Variants in TMPO observed in about 807,000 individuals in gnomAD.
TMPO encodes LEM domain containing 4.
In TMPO, 22 loss-of-function variants were observed where a neutral mutation model predicts 45.4. The observed-to-expected ratio is 0.48, with a 90% CI of 0.35 to 0.69. The LOEUF (loss-of-function observed/expected upper bound fraction) is 0.69, where lower values mean the gene tolerates loss of function less well. TMPO is among the 30% of genes least tolerant of loss of function. TMPO has a pLI of 0.01. For missense variants in TMPO, 512 were observed against 548.8 expected (o/e 0.93, Z 0.67); for synonymous variants, 241 against 204.1 (o/e 1.18, Z -1.54).
At chr12:98,530,190 T>C (rs76621681) in intron 2 of TMPO, among the ~76,000 whole-genome samples, 1 of 151,094 alleles carries the variant, frequency 6.6e-6, no homozygotes, top group East Asian at 1.9e-4. Context: ...AAAAAAAAAG[T>C]AGCCAGGCAT....
At chr12:98,539,044 T>A (rs1019016458) in intron 4 of TMPO, among the ~76,000 whole-genome samples, 1 of 151,724 alleles carries the variant, frequency 6.6e-6, no homozygotes, top group African/African-American at 2.4e-5. Context: ...CTACTAAAAA[T>A]ACAAAATTAG....
In TMPO at chr12:98,516,415, C is replaced by T. The variant is rs1213143263; in HGVS notation, c.279+269C>T. On this transcript the variant is annotated intron_variant, in intron 1 of 8. Coordinates refer to ENST00000556029, the MANE Select transcript of TMPO (RefSeq NM_001032283.3). The stretch of plus-strand genomic sequence containing the variant: ...TGGCGGCGGTTGTTTTGCACGCAGT[C>T]GACGCCGCTTCCCTGGACCACCAGC... The T allele has an allele frequency of 3.4e-6, 4 of 1,178,432 alleles. No homozygotes were observed. The African/African-American group carries it at 6.4e-5, about 19-fold the overall frequency. 73.0% of individuals were successfully genotyped at this position (1,178,432 alleles called of 1,614,324 possible).
intron 3 of TMPO, chr12:98,533,903 C>T: frequency 6.2e-7 from 1 of 1,614,122 alleles, no homozygotes; most frequent in Non-Finnish European, 8.5e-7. Context: ...GAAGCCACTC[C>T]ACTAGGAGGT....
At chr12:98,524,455 C>T (rs1876608845) in intron 1 of TMPO, among the ~76,000 whole-genome samples, 1 of 151,992 alleles carries the variant, frequency 6.6e-6, no homozygotes, top group African/African-American at 2.4e-5. Context: ...ACCTGTAGTC[C>T]CAGATACTCA....
intron 2 of TMPO, among the ~76,000 whole-genome samples, chr12:98,530,110 G>T (rs1032346419): frequency 1.3e-5 from 2 of 152,092 alleles, no homozygotes; most frequent in African/African-American, 4.8e-5. Context: ...GGCCAAGGTG[G>T]TGGAATTGCT....
chr12:98,520,711 C>A (rs1057252561), intron 1 of TMPO, among the ~76,000 whole-genome samples: 6 of 151,708 alleles, frequency 4.0e-5, no homozygotes, highest in Non-Finnish European at 8.8e-5. Context: ...GCAAGCTCTG[C>A]CTAGCTGAGA....
rs147002330 is a variant in TMPO at position 98,533,422 on chromosome 12, G to T, written c.565+1584G>T. 2 of 1,614,042 alleles carry T rather than the reference G, an allele frequency of 1.2e-6. No homozygotes were observed. Among genetic ancestry groups the T allele is most frequent in the African/African-American group, 1.3e-5 (1 of 74,912 alleles). ...TGTCAATTCTCTGTTGGTCCAGGGT[G>T]GGGTAGGTAGTTTGCCTGGAACTTC... is the stretch of plus-strand genomic sequence containing the variant. On this transcript the variant is annotated intron_variant, in intron 3 of 8. Coordinates refer to ENST00000556029, the MANE Select transcript of TMPO (RefSeq NM_001032283.3).
At chr12:98,523,749 C>T (rs1005665558) in intron 1 of TMPO, among the ~76,000 whole-genome samples, 5 of 152,074 alleles carry the variant, frequency 3.3e-5, no homozygotes, top group East Asian at 1.9e-4. Context: ...AATCTTGGCT[C>T]GCTGCAATCT....
chr12:98,521,290 T>C (rs1876347160), intron 1 of TMPO, among the ~76,000 whole-genome samples: 1 of 150,198 alleles, frequency 6.7e-6, no homozygotes, highest in Non-Finnish European at 1.5e-5. Flanking sequence ...TTTTTTGTAT[T>C]TTTAGTAGAG....
At chr12:98,525,745 A>C (rs1458132408) in intron 1 of TMPO, among the ~76,000 whole-genome samples, 1 of 152,064 alleles carries the variant, frequency 6.6e-6, no homozygotes, top group Non-Finnish European at 1.5e-5. Flanking sequence ...TCTCAAAAAA[A>C]AAAAAAAAAA....
intron 3 of TMPO, chr12:98,532,698 AT>A (rs1877280616): frequency 7.1e-7 from 1 of 1,410,604 alleles, no homozygotes; most frequent in Non-Finnish European, 9.8e-7. Context: ...AATCTGGCAG[AT>A]TAGTTCAGAA....
chr12:98,523,912 C>T (rs774601327), intron 1 of TMPO, among the ~76,000 whole-genome samples: 3 of 152,042 alleles, frequency 2.0e-5, no homozygotes, highest in East Asian at 3.9e-4. Context: ...CTGACCTCAA[C>T]GGGAGATCCT....
chr12:98,543,591 A>G (rs908172152), intron 4 of TMPO, among the ~76,000 whole-genome samples: 1 of 152,210 alleles, frequency 6.6e-6, no homozygotes, highest in African/African-American at 2.4e-5. Flanking sequence ...AGTGACATGG[A>G]TAGCATTGAG....
intron 3 of TMPO, chr12:98,535,751 T>G (rs1013116005): frequency 8.1e-6 from 6 of 736,616 alleles, no homozygotes; most frequent in Non-Finnish European, 9.9e-6. Context: ...CACTTTGACA[T>G]TTCAGTGGTA....
At chr12:98,534,239 A>G in intron 3 of TMPO, 1 of 1,613,942 alleles carries the variant, frequency 6.2e-7, no homozygotes, top group Non-Finnish European at 8.5e-7. Context: ...TGCAAAATTA[A>G]TTTAGCTTCT....
In TMPO at chr12:98,533,728, T is replaced by G. The variant is rs80325832; in HGVS notation, c.565+1890T>G. 3,528 of 1,614,194 alleles carry G rather than the reference T, an allele frequency of 2.2e-3. 76 individuals carry two copies. In the African/African-American group the frequency reaches 0.042, roughly 19 times the overall value. ...TGATAAAATAGATGCCTCAGAACTA[T>G]CTTTTCCCTTCCATGAATCTATTTT... On this transcript the variant is annotated intron_variant, in intron 3 of 8. Transcript: ENST00000556029.
rs1878389719 is a variant in TMPO at position 98,549,146 on chromosome 12, A to G, written c.*1288A>G. ...AAAAAAATAAAAAAGTACAAAAAGT[A>G]CTTGCTTTTATATTACATCATAAGC... is the stretch of plus-strand genomic sequence containing the variant. On this transcript the variant is annotated 3_prime_UTR_variant, in exon 9 of 9. Transcript: ENST00000556029. 1.3e-5 allele frequency: 2 copies of G among 152,166 alleles called. No individual in the cohort carries two copies. The highest frequency in any genetic ancestry group is 4.1e-4 in the South Asian group (2 of 4,822). 9.4% of individuals were successfully genotyped at this position (152,166 alleles called of 1,614,324 possible).
chr12:98,528,080 T>C (rs901828012), intron 2 of TMPO, 68 bp downstream of exon 2: 2 of 1,594,396 alleles, frequency 1.3e-6, no homozygotes, highest in African/African-American at 1.3e-5. Flanking sequence ...TTTTCTCCTT[T>C]TTGTTTAGCA....
chr12:98,542,112 A>C (rs1877947893), intron 4 of TMPO, among the ~76,000 whole-genome samples: 1 of 152,182 alleles, frequency 6.6e-6, no homozygotes, highest in African/African-American at 2.4e-5. Flanking sequence ...AGCATTTTGC[A>C]TGTGTCACTG....
Sources: gnomAD v4.1 joint callset for allele counts (sites outside exome capture counted in the v4.1 genomes callset) on GRCh38, gnomAD v4.1.1 for gene constraint, MANE v1.5 for transcripts, NCBI Gene and HGNC (gene_info 2026-07-23, HGNC 2026-07-21) for gene names.